Variants in ZNF311 observed in about 807,000 individuals in gnomAD.
ZNF311 encodes zinc finger protein 311, also known as zinc finger protein zfp31.
ZNF311 carries 14 observed loss-of-function variants against 22.7 expected under a neutral mutation model. The ratio of observed to expected loss-of-function variants is 0.62; its 90% CI spans 0.41 to 0.96. The LOEUF is 0.96. ZNF311 is among the 40% of genes least tolerant of loss of function. The pLI is 0.00. For synonymous variants in ZNF311, 250 were observed against 275.3 expected (o/e 0.91, Z 0.91); for missense variants, 731 against 799.0 (o/e 0.91, Z 1.03).
intron 3 of ZNF311, 31 bp downstream of exon 3, chr6:29,003,482 G>A (rs1409836213): frequency 1.2e-6 from 2 of 1,608,186 alleles, no homozygotes; most frequent in Non-Finnish European, 1.7e-6. Context: ...CAGCTGCCGT[G>A]ACTCCTGCCA....
At chr6:29,005,515 ACTCCT>A (rs1190660064), upstream of ZNF311, among the ~76,000 whole-genome samples, 4 of 150,890 alleles carry the variant, frequency 2.7e-5, no homozygotes, top group Non-Finnish European at 5.9e-5. Context: ...GCGGCACCGG[ACTCCT>A]CTCCTCTCAG....
chr6:28,999,375 T>A, intron 5 of ZNF311, 112 bp downstream of exon 5: 1 of 1,082,212 alleles, frequency 9.2e-7, no homozygotes, highest in Non-Finnish European at 1.2e-6. Context: ...AAGATCCTGA[T>A]GATAAAGAAT....
At chr6:29,005,549 G>A (rs998680094), upstream of ZNF311, among the ~76,000 whole-genome samples, 1 of 151,970 alleles carries the variant, frequency 6.6e-6, no homozygotes, top group Non-Finnish European at 1.5e-5. Context: ...TCCGACCCAC[G>A]ACGGCCCAAG....
Position 28,995,266 on chromosome 6 carries a change from C to G in ZNF311, c.1736G>C (p.Gly579Ala). Residue 579 changes from glycine (G) to alanine (A), a missense_variant, in exon 7 of 7, where the codon GGT (glycine) becomes GCT (alanine). By Grantham distance (60) the Gly-to-Ala change is moderately conservative. Transcript: ENST00000377179. This position sits in a 1 kb window ranked among gnomAD's most constrained non-coding sequence, Gnocchi z 4.7. ...CTCACTGCAGGTGTATGGCTTCTCA[C>G]CAGTGTGGATTCTTTTGTGCTGCCT... ...VLRQHKRIHTGEKPYTCSECG... is the reference protein window; with the variant it reads ...VLRQHKRIHTAEKPYTCSECG... The G allele has an allele frequency of 6.2e-7, 1 of 1,614,044 alleles. No homozygotes were observed. Among genetic ancestry groups the G allele is most frequent in the Non-Finnish European group, 8.5e-7 (1 of 1,180,046 alleles).
chr6:29,000,182 C>T, intron 3 of ZNF311, 135 bp from the exon 4 acceptor site: 1 of 749,624 alleles, frequency 1.3e-6, no homozygotes, highest in South Asian at 2.0e-5. Flanking sequence ...CTTACAGTAT[C>T]CTTCCTCTTC....
Position 28,995,646 on chromosome 6 carries a change from G to GAA in ZNF311, c.1354_1355dup (p.Ile454AlafsTer78). 1 of 1,613,464 alleles carries GAA rather than the reference G, an allele frequency of 6.2e-7. No individual in the cohort carries two copies. Among genetic ancestry groups the GAA allele is most frequent in the East Asian group, 2.2e-5 (1 of 44,882 alleles). On this transcript the variant is annotated frameshift_variant, in exon 7 of 7. Transcript: ENST00000377179. LOFTEE classifies it low-confidence loss of function (END_TRUNC). This position sits in a 1 kb window ranked among gnomAD's most constrained non-coding sequence, Gnocchi z 4.7. ...GTTTGGTGAGTTCTGCCTTGATGCT[G>GAA]AAGTCTTTTCCACACTGGGGACACC...
At chr6:28,998,106 T>G (rs1581677533) in intron 6 of ZNF311, among the ~76,000 whole-genome samples, 1 of 152,168 alleles carries the variant, frequency 6.6e-6, no homozygotes, top group East Asian at 1.9e-4. Flanking sequence ...AGAATGACTC[T>G]CACCTGTCTC....
At position 28,995,136 on chromosome 6, in the gene ZNF311, C is replaced by A. The variant is rs936957064; in HGVS notation, c.1866G>T (p.Val622=). Residue 622 remains valine, a synonymous_variant, in exon 7 of 7, where the codon GTG becomes GTT. Coordinates refer to ENST00000377179, the MANE Select transcript of ZNF311 (RefSeq NM_001382360.1). This position sits in a 1 kb window ranked among gnomAD's most constrained non-coding sequence, Gnocchi z 4.7. ...TCTTATGTCCAGTAAGATTTGAGCTCACTCTAAAAGCTTTTCCACATTCCT... is the reference window on the plus strand; with the variant it reads ...TCTTATGTCCAGTAAGATTTGAGCTAACTCTAAAAGCTTTTCCACATTCCT... ...ECEECGKAFR[V]SSNLTGHKKR... The A allele has an allele frequency of 2.5e-6, 4 of 1,613,906 alleles. No individual in the cohort carries two copies. The highest frequency in any genetic ancestry group is 3.3e-5 in the Admixed American group (2 of 60,008).
At position 28,996,000 on chromosome 6, in the gene ZNF311, C is replaced by T; in HGVS notation, c.1002G>A (p.Arg334=). 1.2e-6 allele frequency: 2 copies of T among 1,613,556 alleles called. No homozygotes were observed. The highest frequency in any genetic ancestry group is 1.7e-6 in the Non-Finnish European group (2 of 1,179,990). Reference sequence around the variant, plus strand: ...TGGTCTTGAAGGCCTTCCCACAGTCCCTGCACTCGTGAGGCTTCTCCCCAC... The same window carrying T: ...TGGTCTTGAAGGCCTTCCCACAGTCTCTGCACTCGTGAGGCTTCTCCCCAC... ...THSGEKPHEC[R]DCGKAFKTRN... Residue 334 remains arginine, a synonymous_variant, in exon 7 of 7, where the codon AGG becomes AGA. Coordinates refer to ENST00000377179, the MANE Select transcript of ZNF311 (RefSeq NM_001382360.1). This position sits in a 1 kb window ranked among gnomAD's most constrained non-coding sequence, Gnocchi z 4.7.
At chr6:29,000,288 T>C (rs1344872612) in intron 3 of ZNF311, among the ~76,000 whole-genome samples, 1 of 152,238 alleles carries the variant, frequency 6.6e-6, no homozygotes, top group East Asian at 1.9e-4. Flanking sequence ...CTGTCTCACC[T>C]ACTGTTTTCC....
intron 3 of ZNF311, among the ~76,000 whole-genome samples, chr6:29,001,287 G>A (rs1161934337): frequency 6.6e-6 from 1 of 152,112 alleles, no homozygotes; most frequent in Admixed American, 6.5e-5. Context: ...ATCACCCTTT[G>A]GATTTAGACC....
intron 3 of ZNF311, among the ~76,000 whole-genome samples, chr6:29,002,901 A>T (rs749513722): frequency 1.1e-4 from 17 of 152,154 alleles, no homozygotes; most frequent in Non-Finnish European, 1.5e-5. Context: ...GATTACAGGC[A>T]TAAGTCACCG....
chr6:29,000,343 T>C (rs1011994405), intron 3 of ZNF311, among the ~76,000 whole-genome samples: 9 of 152,168 alleles, frequency 5.9e-5, no homozygotes, highest in African/African-American at 2.2e-4. Flanking sequence ...CCCAAACAGA[T>C]CTGGTAAAAA....
chr6:28,999,689 T>C (rs1780170718), intron 4 of ZNF311, 76 bp from the exon 5 acceptor site: 7 of 1,539,154 alleles, frequency 4.5e-6, no homozygotes, highest in Non-Finnish European at 6.1e-6. Flanking sequence ...AGAAAGGAAT[T>C]TGCAAGGAGG....
rs775512607 is a variant in ZNF311, at chr6:29,003,502, G to C, written c.91+11C>G. 1.2e-6 allele frequency: 2 copies of C among 1,612,860 alleles called. No individual in the cohort carries two copies. The highest frequency in any genetic ancestry group is 3.3e-5 in the Admixed American group (2 of 60,022). On this transcript the variant is annotated intron_variant, in intron 3 of 6. Coordinates refer to ENST00000377179, the MANE Select transcript of ZNF311 (RefSeq NM_001382360.1). The stretch of plus-strand genomic sequence containing the variant: ...GCCGTGACTCCTGCCACAATCTCCT[G>C]TGTATCTCACCGCTTTCCTGAGGGA...
In ZNF311 at chr6:28,995,926, T is replaced by C. The variant is rs775916287; in HGVS notation, c.1076A>G (p.Tyr359Cys). The change falls in exon 7 of 7, where the codon TAC becomes TGC. Residue 359 changes from tyrosine to cysteine, a missense_variant. Physicochemically the swap from Tyr to Cys is radical, Grantham distance 194 (BLOSUM62 -2). Coordinates refer to ENST00000377179, the MANE Select transcript of ZNF311 (RefSeq NM_001382360.1). This position sits in a 1 kb window ranked among gnomAD's most constrained non-coding sequence, Gnocchi z 4.7. Reference sequence around the variant, plus strand: ...GGCCTTCCCACAGCAGTTACATTTGTAAGGCTTCTCCCCGGTGTGGATAAG... The same window carrying C: ...GGCCTTCCCACAGCAGTTACATTTGCAAGGCTTCTCCCCGGTGTGGATAAG... ...HQLIHTGEKP[Y>C]KCNCCGKAFQ... 10 of 1,613,786 alleles carry C rather than the reference T, an allele frequency of 6.2e-6. No homozygotes were observed. Among genetic ancestry groups the C allele is most frequent in the Non-Finnish European group, 8.5e-6 (10 of 1,180,024 alleles).
chr6:29,003,470 C>G (rs771847001), intron 3 of ZNF311, 43 bp downstream of exon 3: 2 of 1,596,528 alleles, frequency 1.3e-6, no homozygotes, highest in Non-Finnish European at 8.6e-7. Context: ...TTACTACATT[C>G]TCAGCTGCCG....
rs1371416627 is a variant in ZNF311 at position 28,995,521 on chromosome 6, G to A, written c.1481C>T (p.Thr494Ile). The part of the protein sequence containing the change: ...CKRRAHEREH[T>I]GEKPYQCRDC... ...CCTGCATTGATAGGGCTTCTCCCCTGTATGCTCTCGTTCATGAGCCCTGCG... is the reference window on the plus strand; with the variant it reads ...CCTGCATTGATAGGGCTTCTCCCCTATATGCTCTCGTTCATGAGCCCTGCG... The change falls in exon 7 of 7, where the codon ACA becomes ATA. Residue 494 changes from threonine to isoleucine, a missense_variant. Thr to Ile is a moderately conservative substitution (Grantham distance 89, BLOSUM62 -1). Transcript: ENST00000377179. This position sits in a 1 kb window ranked among gnomAD's most constrained non-coding sequence, Gnocchi z 4.7. The A allele has an allele frequency of 6.2e-7, 1 of 1,613,648 alleles. No individual in the cohort carries two copies. The highest frequency in any genetic ancestry group is 1.3e-5 in the African/African-American group (1 of 74,820).
chr6:28,996,549 T>C lies in ZNF311; in HGVS notation c.453A>G (p.Ala151=). 1 of 1,602,428 alleles carries C rather than the reference T, an allele frequency of 6.2e-7. No homozygotes were observed. The highest frequency in any genetic ancestry group is 8.5e-7 in the Non-Finnish European group (1 of 1,179,238). Residue 151 remains alanine, a synonymous_variant, in exon 7 of 7, where the codon GCA becomes GCG. Transcript: ENST00000377179. ...ADKMWPENEK[A]SSQQEIFENG... ...TTTCAAAAATCTCTTGTTGTGAACT[T>C]GCCTTTTCATTCTCAGGCCACATCT...
Sources: gnomAD v4.1 joint callset for allele counts (sites outside exome capture counted in the v4.1 genomes callset) on GRCh38, gnomAD v4.1.1 for gene constraint, Gnocchi (gnomAD v3.1) non-coding constraint, MANE v1.5 for transcripts, NCBI Gene and HGNC (gene_info 2026-07-23, HGNC 2026-07-21) for gene names.